The following TBC1D12 variants were observed in gnomAD, a reference collection of about 807,000 sequenced individuals.
TBC1D12 encodes TBC1 domain family, member 12.
TBC1D12 carries 56 observed loss-of-function variants against 86.7 expected under a neutral mutation model. The observed-to-expected ratio is 0.65, with a 90% CI of 0.52 to 0.81. TBC1D12 has a LOEUF of 0.81. TBC1D12 is among the 30% of genes least tolerant of loss of function. The probability of loss-of-function intolerance (pLI) is 0.00; values close to 1 mark genes in which losing one functional copy is unlikely to be tolerated. For missense variants in TBC1D12, 1,023 were observed against 1,038.8 expected (o/e 0.98, Z 0.21); for synonymous variants, 421 against 411.7 (o/e 1.02, Z -0.27).
At chr10:94,502,690 T>A (rs2056413918) in intron 6 of TBC1D12, among the ~76,000 whole-genome samples, 1 of 152,156 alleles carries the variant, frequency 6.6e-6, no homozygotes, top group Admixed American at 6.5e-5. Flanking sequence ...AGACCCTGTC[T>A]CTAAATAAAT....
At chr10:94,528,646 A>T (rs898918896) in intron 11 of TBC1D12, among the ~76,000 whole-genome samples, 2 of 151,948 alleles carry the variant, frequency 1.3e-5, no homozygotes, top group Non-Finnish European at 2.9e-5. Context: ...ATATGGTGAA[A>T]CCTTGTCTCT....
intron 2 of TBC1D12, among the ~76,000 whole-genome samples, chr10:94,450,965 A>G (rs2055541184): frequency 6.6e-6 from 1 of 152,104 alleles, no homozygotes; most frequent in South Asian, 2.1e-4. Context: ...CAAAAAAGAA[A>G]GTTGATCTCA....
intron 11 of TBC1D12, 80 bp from the exon 12 acceptor site, chr10:94,531,122 C>CTTTTTT: frequency 6.7e-7 from 1 of 1,483,206 alleles, no homozygotes; most frequent in Admixed American, 2.0e-5. Context: ...AAACACTGTT[C>CTTTTTT]TTTTTTTATA....
At chr10:94,502,203 A>T (rs1239185321) in intron 6 of TBC1D12, among the ~76,000 whole-genome samples, 1 of 151,912 alleles carries the variant, frequency 6.6e-6, no homozygotes, top group African/African-American at 2.4e-5. Context: ...GTGGTGGCGC[A>T]TGTCTGTAAT....
chr10:94,483,040 T>TTC (rs1309175121), intron 3 of TBC1D12, among the ~76,000 whole-genome samples: 2 of 18,618 alleles, frequency 1.1e-4, no homozygotes, highest in East Asian at 5.2e-3. Flanking sequence ...ATTCTTCTTC[T>TTC]TTTTTTTTTT....
chr10:94,447,691 A>C lies in TBC1D12; in HGVS notation c.1095+5672A>C, dbSNP rs75574807. The C allele has an allele frequency of 1.8e-3, 1,799 of 984,802 alleles. 27 individuals are homozygous for C. In the African/African-American group the frequency reaches 0.028, roughly 16 times the overall value. 61.0% of individuals were successfully genotyped at this position (984,802 alleles called of 1,614,324 possible). A position where few individuals can be genotyped will look rare whatever the true frequency, so the allele number is the denominator to read the frequency against. ...AGTTGGTGAGCCGTGTTAAAAATTG[A>C]ATCTGTTAATTATAAATAGTATTTC... On this transcript the variant is annotated intron_variant, in intron 2 of 12. Coordinates refer to ENST00000225235, the MANE Select transcript of TBC1D12 (RefSeq NM_015188.2).
rs184794401 is a variant in TBC1D12 at position 94,473,137 on chromosome 10, A to G, written c.1096-1531A>G. Among the ~76,000 whole-genome samples, 692 of 152,032 alleles carry G rather than the reference A, an allele frequency of 4.6e-3. 20 individuals are homozygous for G. The highest frequency in any genetic ancestry group is 0.043 in the Admixed American group (650 of 15,240). On this transcript the variant is annotated intron_variant, in intron 2 of 12. Transcript: ENST00000225235. ...TGGGAGTTTCAGGTGGGCGGGTCAC[A>G]AGTTCAGGAGTTTGAAACCAGCCTG...
intron 1 of TBC1D12, among the ~76,000 whole-genome samples, chr10:94,433,843 ACT>A (rs1302059120): frequency 6.6e-6 from 1 of 151,242 alleles, no homozygotes; most frequent in Non-Finnish European, 1.5e-5. Flanking sequence ...TATACATGTA[ACT>A]CTGCATTTCT....
chr10:94,483,778 A>T (rs981565080), intron 3 of TBC1D12, among the ~76,000 whole-genome samples: 1 of 151,734 alleles, frequency 6.6e-6, no homozygotes, highest in African/African-American at 2.4e-5. Flanking sequence ...AACATTTTTA[A>T]CTTGATGTGA....
intron 1 of TBC1D12, among the ~76,000 whole-genome samples, chr10:94,411,022 C>T (rs987120591): frequency 5.1e-4 from 77 of 151,906 alleles, no homozygotes; most frequent in Non-Finnish European, 1.6e-4. Flanking sequence ...TGAAAAAAAA[C>T]AGAATTTTTT....
At chr10:94,460,147 G>A (rs546685108) in intron 2 of TBC1D12, among the ~76,000 whole-genome samples, 7 of 152,306 alleles carry the variant, frequency 4.6e-5, no homozygotes, top group East Asian at 3.9e-4. Flanking sequence ...CAGGAGAATC[G>A]CTTGAACCTG....
chr10:94,417,272 A>G lies in TBC1D12; in HGVS notation c.971+13688A>G, dbSNP rs550966116. Among the ~76,000 whole-genome samples, 8 of 152,182 alleles carry G rather than the reference A, an allele frequency of 5.3e-5. No homozygotes were observed. In the South Asian group the frequency reaches 6.2e-4, roughly 12 times the overall value. On this transcript the variant is annotated intron_variant, in intron 1 of 12. Coordinates refer to ENST00000225235, the MANE Select transcript of TBC1D12 (RefSeq NM_015188.2). ...GTAAATAACATTTTTTAAACCAGTA[A>G]TATTGGATTAGAGAAAAAAAGTAAA...
intron 12 of TBC1D12, among the ~76,000 whole-genome samples, chr10:94,531,858 T>TA (rs1490025504): frequency 1.4e-5 from 2 of 138,896 alleles, no homozygotes; most frequent in African/African-American, 2.7e-5. Flanking sequence ...TGTTATTTTA[T>TA]TTTATATGTT....
intron 9 of TBC1D12, among the ~76,000 whole-genome samples, chr10:94,519,227 A>G (rs1842078518): frequency 6.6e-6 from 1 of 152,194 alleles, no homozygotes; most frequent in Admixed American, 6.5e-5. Flanking sequence ...AATTCCTTCT[A>G]TTTACTTTGC....
rs1282522464 is a variant in TBC1D12 at position 94,486,139 on chromosome 10, CT to C, written c.1212-7208del. On this transcript the variant is annotated intron_variant, in intron 3 of 12. Coordinates refer to ENST00000225235, the MANE Select transcript of TBC1D12 (RefSeq NM_015188.2). Reference sequence around the variant, plus strand: ...CTTTTTCTTTTTTCTTCTTCTTCTTCTTTTTTTTTTTTTTTTTTGTTATTGT... The same window carrying C: ...CTTTTTCTTTTTTCTTCTTCTTCTTCTTTTTTTTTTTTTTTTTGTTATTGT... Among the ~76,000 whole-genome samples the C allele has an allele frequency of 1.6e-3, 178 of 108,418 alleles. 1 individual carries two copies. Among genetic ancestry groups the C allele is most frequent in the Non-Finnish European group, 2.1e-3 (118 of 55,238 alleles). 71.1% of individuals were successfully genotyped at this position (108,418 alleles called of 152,430 possible).
At chr10:94,486,046 C>A (rs867994163) in intron 3 of TBC1D12, among the ~76,000 whole-genome samples, 1 of 150,476 alleles carries the variant, frequency 6.6e-6, no homozygotes, top group African/African-American at 2.4e-5. Flanking sequence ...TTTTTCTTTT[C>A]AAAAAAACCA....
chr10:94,483,037 T>G (rs959144543), intron 3 of TBC1D12, among the ~76,000 whole-genome samples: 5 of 100,634 alleles, frequency 5.0e-5, no homozygotes, highest in Admixed American at 8.9e-5. Flanking sequence ...CATATTCTTC[T>G]TCTTTTTTTT....
At position 94,507,331 on chromosome 10, in the gene TBC1D12, A is replaced by G. The variant is rs758072263; in HGVS notation, c.1584A>G (p.Ser528=). 3 of 1,607,532 alleles carry G rather than the reference A, an allele frequency of 1.9e-6. No individual in the cohort carries two copies. Among genetic ancestry groups the G allele is most frequent in the African/African-American group, 2.7e-5 (2 of 74,470 alleles). The change falls in exon 7 of 13, where the codon TCA becomes TCG. Residue 528 remains serine, a synonymous_variant. Coordinates refer to ENST00000225235, the MANE Select transcript of TBC1D12 (RefSeq NM_015188.2). ...GGAAAAGTTTCAGTGAAACAAGTTC[A>G]GAGAATGATACAGAAGGTGTGATTT... The part of the protein sequence containing the change: ...ERWKSFSETS[S]ENDTEGVSVA...
intron 2 of TBC1D12, among the ~76,000 whole-genome samples, chr10:94,465,623 G>A (rs1199097949): frequency 1.3e-5 from 2 of 150,740 alleles, no homozygotes; most frequent in East Asian, 3.9e-4. Context: ...TCCAGCCTGG[G>A]CGACAGAGCA....
Sources: gnomAD v4.1 joint callset for allele counts (sites outside exome capture counted in the v4.1 genomes callset) on GRCh38, gnomAD v4.1.1 for gene constraint, MANE v1.5 for transcripts, NCBI Gene and HGNC (gene_info 2026-07-23, HGNC 2026-07-21) for gene names.